Variants in NRG2 observed in about 807,000 individuals in gnomAD.
The protein encoded by NRG2 is pro-neuregulin-2, membrane-bound isoform.
Under a neutral mutation model 73.9 loss-of-function variants are expected in NRG2, and 27 were observed. That is an observed-to-expected ratio of 0.37 (90% CI 0.27 to 0.50). The LOEUF is 0.50. NRG2 is among the 20% of genes least tolerant of loss of function. NRG2 has a pLI of 0.96. For missense variants in NRG2, 1,126 were observed against 1,210.1 expected (o/e 0.93, Z 1.03); for synonymous variants, 532 against 541.0 (o/e 0.98, Z 0.23).
At chr5:140,001,458 T>C (rs1758467571) in intron 1 of NRG2, among the ~76,000 whole-genome samples, 1 of 152,190 alleles carries the variant, frequency 6.6e-6, no homozygotes, top group Non-Finnish European at 1.5e-5. Flanking sequence ...TTGTACCTTA[T>C]ATGCCTCAGG....
chr5:139,967,645 T>G (rs894883625), intron 1 of NRG2, among the ~76,000 whole-genome samples: 4 of 151,986 alleles, frequency 2.6e-5, no homozygotes, highest in Non-Finnish European at 5.9e-5. Context: ...CCCTCAAGAC[T>G]CCTTTAACCT....
At chr5:140,022,392 A>AGTACCCTTATGATTTC (rs1462862559) in intron 1 of NRG2, among the ~76,000 whole-genome samples, 1 of 152,182 alleles carries the variant, frequency 6.6e-6, no homozygotes, top group Admixed American at 6.5e-5. Context: ...TACATGATTT[A>AGTACCCTTATGATTTC]GTACCCTTAT....
At chr5:139,971,030 C>A (rs1755929432) in intron 1 of NRG2, among the ~76,000 whole-genome samples, 1 of 152,110 alleles carries the variant, frequency 6.6e-6, no homozygotes, top group Non-Finnish European at 1.5e-5. Flanking sequence ...GACAACACCA[C>A]CATCCTGGAG....
At chr5:139,960,972 T>C (rs1473064432) in intron 1 of NRG2, among the ~76,000 whole-genome samples, 1 of 152,216 alleles carries the variant, frequency 6.6e-6, no homozygotes, top group Non-Finnish European at 1.5e-5. Flanking sequence ...CCAGGCTCGT[T>C]GGGGCCTTCA....
At chr5:140,026,612 CAGAAAAAAA>C (rs1376514958) in intron 1 of NRG2, among the ~76,000 whole-genome samples, 1 of 150,532 alleles carries the variant, frequency 6.6e-6, no homozygotes, top group Admixed American at 6.6e-5. Context: ...ATCTCTTCTC[CAGAAAAAAA>C]AGAAAAGAAA....
chr5:140,008,010 A>C lies in NRG2; in HGVS notation c.700+34360T>G, dbSNP rs1195358731. ...AGCATCTCAGTCACCAGGAAGTCTG[A>C]TACTGTGAGACCCACAGCCGCCAGT... On this transcript the variant is annotated intron_variant, in intron 1 of 9. Coordinates refer to ENST00000361474, the MANE Select transcript of NRG2 (RefSeq NM_004883.3). The surrounding 1 kb of genome is among the most constrained non-coding windows in gnomAD (Gnocchi z 4.2). Among the ~76,000 whole-genome samples, 1 of 152,156 alleles carries C rather than the reference A, an allele frequency of 6.6e-6. No individual in the cohort carries two copies. Among genetic ancestry groups the C allele is most frequent in the Non-Finnish European group, 1.5e-5 (1 of 68,020 alleles).
intron 5 of NRG2, chr5:139,864,966 TG>T: frequency 2.7e-6 from 2 of 738,618 alleles, no homozygotes; most frequent in Admixed American, 1.9e-5. Context: ...CATGTGGAGG[TG>T]GGGGTGCCGG....
chr5:139,850,947 C>T (rs1761375090), intron 9 of NRG2, among the ~76,000 whole-genome samples: 1 of 151,888 alleles, frequency 6.6e-6, no homozygotes, highest in African/African-American at 2.4e-5. Flanking sequence ...GAACTTCTAG[C>T]ATGTATCCTG....
intron 3 of NRG2, among the ~76,000 whole-genome samples, chr5:139,879,785 A>G (rs1581845034): frequency 6.6e-6 from 1 of 152,210 alleles, no homozygotes; most frequent in African/African-American, 2.4e-5. Flanking sequence ...AGAAAGATCC[A>G]GAAAGAAGAC....
At chr5:139,964,084 C>T (rs1252011168) in intron 1 of NRG2, among the ~76,000 whole-genome samples, 1 of 152,196 alleles carries the variant, frequency 6.6e-6, no homozygotes, top group Non-Finnish European at 1.5e-5. Context: ...ACAAGCCCAG[C>T]CATGCCTGGC....
At chr5:139,964,003 A>AT (rs1259091718) in intron 1 of NRG2, among the ~76,000 whole-genome samples, 1 of 152,152 alleles carries the variant, frequency 6.6e-6, no homozygotes, top group African/African-American at 2.4e-5. Context: ...GAGAAAAAAA[A>AT]GGGGGCTCTG....
chr5:140,006,809 C>A (rs1758939382), intron 1 of NRG2, among the ~76,000 whole-genome samples: 1 of 152,062 alleles, frequency 6.6e-6, no homozygotes, highest in Non-Finnish European at 1.5e-5. Context: ...TCTGTTTCTT[C>A]TATATTTTCT....
Position 139,852,500 on chromosome 5 carries a change from G to T in NRG2, c.1476C>A (p.Thr492=), listed in dbSNP as rs1761512109. The T allele has an allele frequency of 1.2e-6, 2 of 1,614,024 alleles. No homozygotes were observed. Among genetic ancestry groups the T allele is most frequent in the African/African-American group, 2.7e-5 (2 of 74,932 alleles). The change falls in exon 8 of 10, where the codon ACC becomes ACA. Residue 492 remains threonine, a synonymous_variant. Coordinates refer to ENST00000361474, the MANE Select transcript of NRG2 (RefSeq NM_004883.3). The surrounding 1 kb of genome is among the most constrained non-coding windows in gnomAD (Gnocchi z 4.4). Reference sequence around the variant, plus strand: ...GAGAACAGGAGTGGCTCCCAGAGAAGGTGGTCTCAGTTTCTCTCCTGATGA... The same window carrying T: ...GAGAACAGGAGTGGCTCCCAGAGAATGTGGTCTCAGTTTCTCTCCTGATGA... ...DHVIRRETET[T]FSGSHSCSPS...
chr5:139,982,057 G>A (rs948948699), intron 1 of NRG2, among the ~76,000 whole-genome samples: 1 of 152,222 alleles, frequency 6.6e-6, no homozygotes, highest in African/African-American at 2.4e-5. Flanking sequence ...TGGTTCAGGG[G>A]TTGAGGTGGC....
At position 140,004,740 on chromosome 5, in the gene NRG2, A is replaced by G. The variant is rs560852242; in HGVS notation, c.700+37630T>C. Among the ~76,000 whole-genome samples the G allele has an allele frequency of 3.3e-5, 5 of 152,352 alleles. No homozygotes were observed. In the South Asian group the frequency reaches 1.0e-3, roughly 32 times the overall value. The stretch of plus-strand genomic sequence containing the variant: ...GAATAATGACTATATGCAACGTGGG[A>G]TCCTAGGTAGGCTCATGGAACAGAA... On this transcript the variant is annotated intron_variant, in intron 1 of 9. Coordinates refer to ENST00000361474, the MANE Select transcript of NRG2 (RefSeq NM_004883.3).
chr5:139,946,913 T>A (rs1753834192), intron 1 of NRG2, among the ~76,000 whole-genome samples: 1 of 151,986 alleles, frequency 6.6e-6, no homozygotes, highest in African/African-American at 2.4e-5. Flanking sequence ...AACAAGCATA[T>A]GAAAAGATGC....
intron 1 of NRG2, among the ~76,000 whole-genome samples, chr5:139,920,312 T>C (rs745669532): frequency 6.6e-6 from 1 of 152,198 alleles, no homozygotes; most frequent in Non-Finnish European, 1.5e-5. Context: ...GTAAAGTTCT[T>C]AGAACAGAGA....
chr5:139,928,982 A>G (rs1448126577), intron 1 of NRG2, among the ~76,000 whole-genome samples: 1 of 151,932 alleles, frequency 6.6e-6, no homozygotes, highest in Non-Finnish European at 1.5e-5. Flanking sequence ...GCATCTCCCA[A>G]CTTTCCCCCT....
At chr5:139,972,988 A>G (rs1340813317) in intron 1 of NRG2, among the ~76,000 whole-genome samples, 1 of 152,170 alleles carries the variant, frequency 6.6e-6, no homozygotes, top group Non-Finnish European at 1.5e-5. Flanking sequence ...AAAAGTGAAA[A>G]GAACATTGGT....
Sources: allele counts gnomAD v4.1 joint callset (sites outside exome capture counted in the v4.1 genomes callset), GRCh38; gene constraint gnomAD v4.1.1; non-coding constraint Gnocchi (gnomAD v3.1); transcripts MANE v1.5; gene names NCBI Gene and HGNC (gene_info 2026-07-23, HGNC 2026-07-21).